PRKDC: variants seen among roughly 807,000 people sequenced by gnomAD.
PRKDC encodes the protein protein kinase, DNA-activated, catalytic subunit.
In PRKDC, 82 loss-of-function variants were observed where a neutral mutation model predicts 486.9. The observed-to-expected ratio is 0.17, with a 90% confidence interval of 0.14 to 0.20. PRKDC has a LOEUF of 0.20. PRKDC is among the 10% of genes least tolerant of loss of function. PRKDC has a pLI of 1.00. For missense variants in PRKDC, 4,504 were observed against 5,038.2 expected, an observed-to-expected ratio of 0.89 and a Z score of 3.21; for synonymous variants, 1,895 against 1,837.0, an observed-to-expected ratio of 1.03 and a Z score of -0.81.
Position 47,930,114 on chromosome 8 carries a change from A to C in PRKDC, c.1893-102T>G, listed in dbSNP as rs1352111108. Reference sequence around the variant, plus strand: ...CAACTAAGCTACAAACCCATCACGTAACATTTTGAGGTATCCTAAAATGTT... The same window carrying C: ...CAACTAAGCTACAAACCCATCACGTCACATTTTGAGGTATCCTAAAATGTT... On this transcript the variant is annotated intron_variant, in intron 17 of 85. Coordinates refer to ENST00000314191, the MANE Select transcript of PRKDC (RefSeq NM_006904.7). The C allele has an allele frequency of 5.9e-6, 6 of 1,022,664 alleles. No homozygotes were observed. In the East Asian group the frequency reaches 1.5e-4, roughly 25 times the overall value. 63.3% of individuals were successfully genotyped at this position (1,022,664 alleles called of 1,614,324 possible).
chr8:47,785,025 C>A, intron 77 of PRKDC, 88 bp downstream of exon 77: 1 of 1,229,524 alleles, frequency 8.1e-7, no homozygotes, highest in South Asian at 1.3e-5. Context: ...GTCAATATCC[C>A]AGTATCACTA....
At chr8:47,896,510 G>A (rs1208206551) in intron 30 of PRKDC, among the ~76,000 whole-genome samples, 3 of 152,088 alleles carry the variant, frequency 2.0e-5, no homozygotes, top group Non-Finnish European at 2.9e-5. Flanking sequence ...AGCCGGACGC[G>A]GTGGCGGGTG....
intron 48 of PRKDC, among the ~76,000 whole-genome samples, chr8:47,858,284 C>T (rs939398146): frequency 6.6e-6 from 1 of 150,616 alleles, no homozygotes; most frequent in African/African-American, 2.4e-5. Flanking sequence ...TTCTAACTCA[C>T]GAGAGGTGAA....
intron 21 of PRKDC, among the ~76,000 whole-genome samples, chr8:47,918,986 C>T (rs1054092286): frequency 1.3e-5 from 2 of 151,550 alleles, no homozygotes; most frequent in South Asian, 4.2e-4. Flanking sequence ...CAATCATAAA[C>T]TTACAGAGGA....
chr8:47,881,580 C>T lies in PRKDC; in HGVS notation c.4963-60G>A. 5.8e-6 allele frequency: 5 copies of T among 861,658 alleles called. No individual in the cohort carries two copies. The South Asian group carries it at 9.8e-5, about 17-fold the overall frequency. The allele number at this position is 861,658 out of a possible 1,614,324, so 53.4% of individuals were successfully genotyped here. On this transcript the variant is annotated intron_variant, in intron 37 of 85. Transcript: ENST00000314191. The stretch of plus-strand genomic sequence containing the variant: ...TATATTACATCTCTATTTCCTTTAG[C>T]CCATTGCTCAAATGTTTAAATTCCA...
At chr8:47,803,244 G>C in intron 70 of PRKDC, 62 bp downstream of exon 70, 1 of 1,461,438 alleles carries the variant, frequency 6.8e-7, no homozygotes, top group Non-Finnish European at 9.2e-7. Context: ...AGAAGAGGAA[G>C]ATACACAAGA....
chr8:47,871,282 C>A, intron 40 of PRKDC, among the ~76,000 whole-genome samples: 1 of 152,080 alleles, frequency 6.6e-6, no homozygotes, highest in East Asian at 1.9e-4. Flanking sequence ...TACCTCAAGG[C>A]ATTTAACAAG....
At chr8:47,852,975 C>T (rs550842308) in intron 51 of PRKDC, among the ~76,000 whole-genome samples, 191 bp from the exon 52 acceptor site, 2 of 152,276 alleles carry the variant, frequency 1.3e-5, no homozygotes, top group Admixed American at 6.5e-5. Context: ...ATGTCATAAC[C>T]AGAAAAGCAT....
At chr8:47,934,122 T>A (rs1171969868) in intron 14 of PRKDC, 32 bp from the exon 15 acceptor site, 1 of 1,579,698 alleles carries the variant, frequency 6.3e-7, no homozygotes, top group East Asian at 2.3e-5. Context: ...CAATATGTAG[T>A]GATGGATTCT....
rs781556263 is a variant in PRKDC, at chr8:47,836,538, GAAAGTTTCAAATGAAAT to G, written c.7762-28_7762-12del. 70 of 1,569,340 alleles carry G rather than the reference GAAAGTTTCAAATGAAAT, an allele frequency of 4.5e-5. No homozygotes were observed. The East Asian group carries it at 7.7e-4, about 17-fold the overall frequency. ...ATCAATGGTATATTCCTGTACATAA[GAAAGTTTCAAATGAAAT>G]AAAGTTTCAAATGAAATAATGCTCC... is the stretch of plus-strand genomic sequence containing the variant. On this transcript the variant is annotated splice_polypyrimidine_tract_variant and intron_variant, in intron 57 of 85. Coordinates refer to ENST00000314191, the MANE Select transcript of PRKDC (RefSeq NM_006904.7).
rs185859827 is a variant in PRKDC at position 47,953,155 on chromosome 8, G to A, written c.721+465C>T. ...GACTCTGTTTAAAAAAAAAAAGAAAGTAATTTGCCAGGTGTGGTGGTGCGT... is the reference window on the plus strand; with the variant it reads ...GACTCTGTTTAAAAAAAAAAAGAAAATAATTTGCCAGGTGTGGTGGTGCGT... On this transcript the variant is annotated intron_variant, in intron 7 of 85. Coordinates refer to ENST00000314191, the MANE Select transcript of PRKDC (RefSeq NM_006904.7). Among the ~76,000 whole-genome samples the A allele has an allele frequency of 1.1e-3, 170 of 151,766 alleles. 1 individual carries two copies. Among genetic ancestry groups the A allele is most frequent in the Non-Finnish European group, 1.5e-3 (101 of 67,870 alleles).
At chr8:47,940,683 T>C (rs775055039) in intron 10 of PRKDC, among the ~76,000 whole-genome samples, 1 of 152,286 alleles carries the variant, frequency 6.6e-6, no homozygotes, top group Non-Finnish European at 1.5e-5. Flanking sequence ...GCTAATTTTC[T>C]ATTATTGTAT....
chr8:47,924,283 G>T (rs953775553), intron 21 of PRKDC, among the ~76,000 whole-genome samples: 1 of 152,144 alleles, frequency 6.6e-6, no homozygotes. Flanking sequence ...GTGGGTCTGG[G>T]CATGGTAGCT....
At chr8:47,896,740 G>A (rs572686153) in intron 30 of PRKDC, among the ~76,000 whole-genome samples, 12 of 152,158 alleles carry the variant, frequency 7.9e-5, no homozygotes, top group African/African-American at 2.6e-4. Flanking sequence ...GCACAGGGCT[G>A]TGACAGCCCA....
intron 59 of PRKDC, 141 bp downstream of exon 59, chr8:47,834,055 T>C: frequency 9.3e-7 from 1 of 1,073,212 alleles, no homozygotes; most frequent in Non-Finnish European, 1.4e-6. Context: ...GGTGAGTGCC[T>C]AGGCAACATT....
At chr8:47,939,802 T>G in intron 10 of PRKDC, 105 bp from the exon 11 acceptor site, 3 of 1,002,638 alleles carry the variant, frequency 3.0e-6, no homozygotes, top group Non-Finnish European at 4.2e-6. Context: ...TGTACTGTTA[T>G]AGTTACACGC....
At chr8:47,936,551 T>A in intron 11 of PRKDC, 34 bp from the exon 12 acceptor site, 1 of 1,608,158 alleles carries the variant, frequency 6.2e-7, no homozygotes, top group Non-Finnish European at 8.5e-7. Context: ...TCTTCATCAA[T>A]CTTATCAAGA....
intron 4 of PRKDC, among the ~76,000 whole-genome samples, chr8:47,955,497 T>C (rs2090687505): frequency 6.8e-6 from 1 of 147,152 alleles, no homozygotes; most frequent in African/African-American, 2.5e-5. Flanking sequence ...AGAAAACATA[T>C]GAACTCTTTC....
chr8:47,960,018 C>G lies in PRKDC; in HGVS notation c.109G>C (p.Gly37Arg). ...AALAGHQLIR[G>R]LGQECVLSSS... ...CTCAGGACGCATTCCTGCCCCAGGC[C>G]GCGGATCAGTTGATGACCGGCCAGG... Residue 37 changes from glycine (G) to arginine (R), a missense_variant, in exon 1 of 86, where the codon GGC becomes CGC. Physicochemically the swap from Gly to Arg is moderately radical, Grantham distance 125. Transcript: ENST00000314191. 1.3e-6 allele frequency: 2 copies of G among 1,534,554 alleles called. No individual in the cohort carries two copies. Among genetic ancestry groups the G allele is most frequent in the Non-Finnish European group, 1.7e-6 (2 of 1,146,610 alleles).
Sources: gnomAD v4.1 joint callset for allele counts (sites outside exome capture counted in the v4.1 genomes callset) on GRCh38, gnomAD v4.1.1 for gene constraint, MANE v1.5 for transcripts, NCBI Gene and HGNC (gene_info 2026-07-23, HGNC 2026-07-21) for gene names.